The following CORO7 variants were observed in gnomAD, a reference collection of about 807,000 sequenced individuals.
CORO7 encodes the protein coronin-7.
In CORO7, 107 loss-of-function variants were observed where a neutral mutation model predicts 126.6. That is an observed-to-expected ratio of 0.85 (90% CI 0.72 to 0.99). The LOEUF (loss-of-function observed/expected upper bound fraction) is 0.99. CORO7 is among the 50% of genes least tolerant of loss of function. CORO7 has a pLI of 0.00. For synonymous variants in CORO7, 603 were observed against 536.8 expected (o/e 1.12, Z -1.70); for missense variants, 1,314 against 1,255.8 (o/e 1.05, Z -0.70).
intron 26 of CORO7, 93 bp from the exon 27 acceptor site, chr16:4,355,465 GA>G: frequency 1.6e-6 from 2 of 1,256,748 alleles, no homozygotes; most frequent in Non-Finnish European, 1.1e-6. Context: ...GCTGTGAAAA[GA>G]ACTTTTTTTT....
intron 1 of CORO7, among the ~76,000 whole-genome samples, chr16:4,414,046 G>T (rs893471699): frequency 6.6e-6 from 1 of 151,784 alleles, no homozygotes; most frequent in African/African-American, 2.4e-5. Flanking sequence ...AATTATCCAG[G>T]CATGGTGGCG....
intron 7 of CORO7, among the ~76,000 whole-genome samples, chr16:4,392,931 G>A (rs369833550): frequency 5.9e-5 from 9 of 152,344 alleles, no homozygotes; most frequent in East Asian, 3.9e-4. Context: ...CCAAAGCCCC[G>A]CAGGGGGGCT....
intron 7 of CORO7, among the ~76,000 whole-genome samples, chr16:4,392,167 G>A (rs1350347120): frequency 6.6e-6 from 1 of 152,174 alleles, no homozygotes; most frequent in African/African-American, 2.4e-5. Context: ...GGGTTCTGAG[G>A]CCTCGACACT....
intron 9 of CORO7, among the ~76,000 whole-genome samples, chr16:4,373,710 G>A (rs980707180): frequency 1.3e-5 from 2 of 152,156 alleles, no homozygotes; most frequent in African/African-American, 4.8e-5. Flanking sequence ...AGAAAATTAA[G>A]TCCTTGCCTG....
At chr16:4,404,376 G>C (rs1228625428) in intron 6 of CORO7, among the ~76,000 whole-genome samples, 1 of 152,184 alleles carries the variant, frequency 6.6e-6, no homozygotes, top group African/African-American at 2.4e-5. Flanking sequence ...CTTTGGCCCT[G>C]GTTTCAGGCT....
At chr16:4,399,847 AAAG>A (rs922399386) in intron 6 of CORO7, among the ~76,000 whole-genome samples, 18 of 152,310 alleles carry the variant, frequency 1.2e-4, no homozygotes, top group East Asian at 5.8e-4. Flanking sequence ...GCTAAAAAAA[AAAG>A]AAGAAGGTAA....
chr16:4,359,396 G>A lies in CORO7; in HGVS notation c.2251-11C>T, dbSNP rs778475649. 6 of 1,613,538 alleles carry A rather than the reference G, an allele frequency of 3.7e-6. No homozygotes were observed. The highest frequency in any genetic ancestry group is 5.1e-6 in the Non-Finnish European group (6 of 1,179,988). The stretch of plus-strand genomic sequence containing the variant: ...TACACGGGTGTCGCCCTGCGGGGAA[G>A]AAGGCAGGCTGGGAACCCTCCGGCA... On this transcript the variant is annotated splice_polypyrimidine_tract_variant and intron_variant, in intron 22 of 27. Transcript: ENST00000251166.
intron 9 of CORO7, among the ~76,000 whole-genome samples, chr16:4,387,406 C>G (rs1359384628): frequency 1.3e-5 from 2 of 152,116 alleles, no homozygotes; most frequent in African/African-American, 4.8e-5. Flanking sequence ...ACCTGGAGCC[C>G]CCCAGGCTGC....
intron 10 of CORO7, among the ~76,000 whole-genome samples, 195 bp from the exon 11 acceptor site, chr16:4,365,255 A>G (rs866156449): frequency 2.0e-5 from 3 of 152,136 alleles, no homozygotes; most frequent in Non-Finnish European, 2.9e-5. Context: ...CTCGTTGCAC[A>G]TGGGGTGAGC....
chr16:4,407,524 G>A lies in CORO7; in HGVS notation c.464C>T (p.Ala155Val). The change falls in exon 5 of 28, where the codon GCA (alanine) becomes GTA (valine). Residue 155 changes from alanine (A) to valine (V), a missense_variant. Ala to Val is a moderately conservative substitution (Grantham distance 64). Transcript: ENST00000251166. ...AAGTTVKVWD[A>V]AKQQPLTELA... ...ACCTGTCAGGGGCTGCTGCTTGGCT[G>A]CGTCCCAGACCTTCACAGTGGTGCC... is the stretch of plus-strand genomic sequence containing the variant. The A allele has an allele frequency of 1.9e-6, 3 of 1,572,608 alleles. No homozygotes were observed. The highest frequency in any genetic ancestry group is 2.6e-6 in the Non-Finnish European group (3 of 1,159,124).
At chr16:4,366,539 T>TC (rs1374935564) in intron 9 of CORO7, among the ~76,000 whole-genome samples, 2 of 148,152 alleles carry the variant, frequency 1.3e-5, no homozygotes, top group East Asian at 3.9e-4. Flanking sequence ...TCTTTGCTTT[T>TC]TTTTTTTTTT....
At chr16:4,381,939 C>T (rs1047063502) in intron 9 of CORO7, 1 of 1,607,956 alleles carries the variant, frequency 6.2e-7, no homozygotes, top group Non-Finnish European at 8.5e-7. Flanking sequence ...CCACCACCAC[C>T]ACAGCCACAG....
chr16:4,364,768 C>G lies in CORO7; in HGVS notation c.1044+7G>C. The stretch of plus-strand genomic sequence containing the variant: ...CCCCCGCAGTCCCTCGCCCAAGTCC[C>G]CCTCACCTTGCGGGGCACATGGTAG... On this transcript the variant is annotated splice_region_variant and intron_variant, in intron 12 of 27. Transcript: ENST00000251166. The G allele has an allele frequency of 6.2e-7, 1 of 1,609,524 alleles. No homozygotes were observed. Among genetic ancestry groups the G allele is most frequent in the African/African-American group, 1.3e-5 (1 of 75,014 alleles).
chr16:4,398,899 C>T (rs1466625664), intron 6 of CORO7, among the ~76,000 whole-genome samples: 3 of 143,132 alleles, frequency 2.1e-5, no homozygotes, highest in South Asian at 2.4e-4. Context: ...ACCCAGGAGG[C>T]GGGGGTTGCA....
In CORO7 at chr16:4,374,960, A is replaced by G. The variant is rs574339755; in HGVS notation, c.786-9415T>C. Among the ~76,000 whole-genome samples the G allele has an allele frequency of 4.0e-5, 6 of 151,554 alleles. No individual in the cohort carries two copies. The East Asian group carries it at 1.2e-3, about 29-fold the overall frequency. On this transcript the variant is annotated intron_variant, in intron 9 of 27. Coordinates refer to ENST00000251166, the MANE Select transcript of CORO7 (RefSeq NM_024535.5). ...CCTGGGTGGGGACAGGGCAGTGAGGAGGCCCCGTGTGAGGGCCCAGCCCTG... is the reference window on the plus strand; with the variant it reads ...CCTGGGTGGGGACAGGGCAGTGAGGGGGCCCCGTGTGAGGGCCCAGCCCTG...
At chr16:4,405,635 C>T in intron 5 of CORO7, 68 bp from the exon 6 acceptor site, 2 of 1,559,558 alleles carry the variant, frequency 1.3e-6, no homozygotes, top group Non-Finnish European at 1.7e-6. Flanking sequence ...GGGGGCGGGC[C>T]TTGCTGGGGG....
At chr16:4,390,084 A>G (rs1025476549) in intron 7 of CORO7, among the ~76,000 whole-genome samples, 1 of 152,166 alleles carries the variant, frequency 6.6e-6, no homozygotes, top group Non-Finnish European at 1.5e-5. Flanking sequence ...CCGTGGAATA[A>G]ACACATCGGG....
intron 9 of CORO7, among the ~76,000 whole-genome samples, chr16:4,387,415 G>T (rs1455206486): frequency 6.6e-6 from 1 of 152,100 alleles, no homozygotes; most frequent in Non-Finnish European, 1.5e-5. Context: ...CCCCCAGGCT[G>T]CCTGGGCACC....
Position 4,365,376 on chromosome 16 carries a change from G to C in CORO7, c.840+115C>G, listed in dbSNP as rs564141585. The stretch of plus-strand genomic sequence containing the variant: ...GTTCTAGGAGAGCTACAGTCACCTT[G>C]GCTGCACAGGGGAAGACACAGAGGC... On this transcript the variant is annotated intron_variant, in intron 10 of 27. Transcript: ENST00000251166. 4.3e-4 allele frequency: 626 copies of C among 1,440,396 alleles called. 8 individuals carry two copies. The South Asian group carries it at 8.1e-3, about 19-fold the overall frequency. 89.2% of individuals were successfully genotyped at this position (1,440,396 alleles called of 1,614,324 possible).
Sources: allele counts gnomAD v4.1 joint callset (sites outside exome capture counted in the v4.1 genomes callset), GRCh38; gene constraint gnomAD v4.1.1; transcripts MANE v1.5; gene names NCBI Gene and HGNC (gene_info 2026-07-23, HGNC 2026-07-21).